The following LPP variants were observed in gnomAD, a reference collection of about 807,000 sequenced individuals.
The protein encoded by LPP is lipoma-preferred partner.
LPP carries 38 observed loss-of-function variants against 60.4 expected under a neutral mutation model. That is an observed-to-expected ratio of 0.63 (90% CI 0.49 to 0.83). The LOEUF (loss-of-function observed/expected upper bound fraction) is 0.83. Ranked by LOEUF, LPP falls within the 40% of genes least tolerant of loss-of-function variation. LPP has a pLI of 0.00. For missense variants in LPP, 902 were observed against 783.6 expected (o/e 1.15, Z -1.80); for synonymous variants, 328 against 290.8 (o/e 1.13, Z -1.30).
intron 5 of LPP, among the ~76,000 whole-genome samples, chr3:188,515,270 G>A (rs1247546952): frequency 6.6e-6 from 1 of 152,070 alleles, no homozygotes; most frequent in Non-Finnish European, 1.5e-5. Context: ...GTTGTTTAGA[G>A]AGTGTGGTAC....
rs971403703 is a variant in LPP at position 188,610,666 on chromosome 3, G to C, written c.1113+822G>C. On this transcript the variant is annotated intron_variant, in intron 7 of 11. Transcript: ENST00000617246. The surrounding 1 kb of genome is among the most constrained non-coding windows in gnomAD (Gnocchi z 4.4). ...TTAAGTTAACACTCTCTGTTACTTCGTCTGAATAGGTAAGGTGTAATACTA... is the reference window on the plus strand; with the variant it reads ...TTAAGTTAACACTCTCTGTTACTTCCTCTGAATAGGTAAGGTGTAATACTA... 6.6e-6 allele frequency among the ~76,000 whole-genome samples: 1 copy of C among 152,100 alleles called. No individual in the cohort carries two copies. The highest frequency in any genetic ancestry group is 1.5e-5 in the Non-Finnish European group (1 of 68,022).
chr3:188,359,815 A>G (rs181246188), intron 3 of LPP, among the ~76,000 whole-genome samples: 8 of 152,262 alleles, frequency 5.3e-5, no homozygotes, highest in African/African-American at 1.9e-4. Context: ...AGAGCCTCTG[A>G]GCCCCCTGTA....
intron 2 of LPP, among the ~76,000 whole-genome samples, chr3:188,285,654 G>A (rs900687268): frequency 2.6e-5 from 4 of 152,182 alleles, no homozygotes; most frequent in Middle Eastern, 3.4e-3. Flanking sequence ...AGCCTGACTC[G>A]ACCTCCCAAA....
chr3:188,607,051 G>C (rs1842515511), intron 6 of LPP, among the ~76,000 whole-genome samples: 1 of 149,962 alleles, frequency 6.7e-6, no homozygotes, highest in Admixed American at 6.7e-5. Context: ...AAAGAATATA[G>C]ACCTAACTCC....
chr3:188,563,495 T>C (rs936899461), intron 6 of LPP, among the ~76,000 whole-genome samples: 2 of 115,754 alleles, frequency 1.7e-5, no homozygotes, highest in Non-Finnish European at 3.9e-5. Flanking sequence ...TGGTATATTA[T>C]CTATTTTTTT....
intron 9 of LPP, among the ~76,000 whole-genome samples, chr3:188,784,074 C>T (rs576867177): frequency 6.6e-6 from 1 of 151,708 alleles, no homozygotes; most frequent in Admixed American, 6.6e-5. Flanking sequence ...CCCTCGTCCC[C>T]CTTCCACGCT....
intron 3 of LPP, among the ~76,000 whole-genome samples, chr3:188,381,000 C>G (rs1464128887): frequency 6.6e-6 from 1 of 152,192 alleles, no homozygotes; most frequent in Admixed American, 6.5e-5. Flanking sequence ...ACCCCAGAGC[C>G]TATGTCTTCA....
chr3:188,342,276 T>G (rs949447763), intron 3 of LPP, among the ~76,000 whole-genome samples: 15 of 152,224 alleles, frequency 9.9e-5, no homozygotes, highest in African/African-American at 3.6e-4. Context: ...AGTTAGTCTT[T>G]TGAAACCTTG....
At chr3:188,749,374 A>T (rs1568669) in intron 8 of LPP, among the ~76,000 whole-genome samples, 126,569 of 152,130 alleles carry the variant, frequency 0.83, 52,701 homozygotes, top group South Asian at 0.9. Flanking sequence ...CCTTTGTTAT[A>T]GAGTCTGTAA....
intron 3 of LPP, among the ~76,000 whole-genome samples, chr3:188,397,474 C>G: frequency 6.6e-6 from 1 of 152,152 alleles, no homozygotes; most frequent in East Asian, 1.9e-4. Flanking sequence ...TTTGTTCCGT[C>G]CTTAACCTTC....
At chr3:188,463,039 A>G (rs756808229) in intron 4 of LPP, among the ~76,000 whole-genome samples, 49 of 152,156 alleles carry the variant, frequency 3.2e-4, no homozygotes, top group Non-Finnish European at 6.3e-4. Context: ...CAGGAGGCAG[A>G]GGCTGCAATG....
intron 6 of LPP, among the ~76,000 whole-genome samples, chr3:188,554,369 C>T (rs1828962994): frequency 6.6e-6 from 1 of 152,090 alleles, no homozygotes; most frequent in Non-Finnish European, 1.5e-5. Flanking sequence ...CTGACAACAG[C>T]AAGATATGTC....
chr3:188,890,202 A>G lies in LPP; in HGVS notation c.*15723A>G, dbSNP rs1771100256. The stretch of plus-strand genomic sequence containing the variant: ...CACTTCCTACTAGCTAAGCACAATC[A>G]TAGCCCCACCGTGATGAGCTGCTAG... On this transcript the variant is annotated 3_prime_UTR_variant, in exon 12 of 12. Coordinates refer to ENST00000617246, the MANE Select transcript of LPP (RefSeq NM_001375462.1). The G allele has an allele frequency of 4.6e-6, 1 of 218,564 alleles. No homozygotes were observed. The allele number at this position is 218,564 out of a possible 1,614,324, so 13.5% of individuals were successfully genotyped here. A position where few individuals can be genotyped will look rare whatever the true frequency, so the allele number is the denominator to read the frequency against.
At chr3:188,530,468 T>G (rs1560526652) in intron 6 of LPP, among the ~76,000 whole-genome samples, 1 of 152,168 alleles carries the variant, frequency 6.6e-6, no homozygotes. Flanking sequence ...CAAAATGTGA[T>G]CATAGAATAT....
At chr3:188,496,039 G>A (rs1486585372) in intron 5 of LPP, among the ~76,000 whole-genome samples, 1 of 152,054 alleles carries the variant, frequency 6.6e-6, no homozygotes, top group African/African-American at 2.4e-5. Flanking sequence ...ATCCTTGAGG[G>A]GTTAAGCTAT....
intron 9 of LPP, among the ~76,000 whole-genome samples, chr3:188,859,269 A>G (rs1402428578): frequency 6.6e-6 from 1 of 152,126 alleles, no homozygotes; most frequent in Non-Finnish European, 1.5e-5. Context: ...CTCTTGTTAT[A>G]GCACAACATT....
intron 2 of LPP, among the ~76,000 whole-genome samples, chr3:188,291,528 C>T (rs1316663907): frequency 6.6e-6 from 1 of 151,628 alleles, no homozygotes; most frequent in Non-Finnish European, 1.5e-5. Flanking sequence ...CGCCTGTAGT[C>T]CCAGCTACTC....
At chr3:188,749,848 T>C (rs1276736441) in intron 8 of LPP, among the ~76,000 whole-genome samples, 1 of 152,208 alleles carries the variant, frequency 6.6e-6, no homozygotes, top group Non-Finnish European at 1.5e-5. Context: ...CCCTTTTTGT[T>C]CTATATTCTA....
At chr3:188,779,761 C>A (rs1438930524) in intron 9 of LPP, among the ~76,000 whole-genome samples, 1 of 152,042 alleles carries the variant, frequency 6.6e-6, no homozygotes, top group Non-Finnish European at 1.5e-5. Flanking sequence ...GGAAAGAAGT[C>A]TATTTCCTTA....
Sources: gnomAD v4.1 joint callset for allele counts (sites outside exome capture counted in the v4.1 genomes callset) on GRCh38, gnomAD v4.1.1 for gene constraint, Gnocchi (gnomAD v3.1) non-coding constraint, MANE v1.5 for transcripts, NCBI Gene and HGNC (gene_info 2026-07-23, HGNC 2026-07-21) for gene names.